The following MRGPRF variants were observed in gnomAD, a reference collection of about 807,000 sequenced individuals.
MRGPRF encodes mas-related G protein-coupled receptor member F.
A neutral mutation model predicts 3.3 loss-of-function variants in MRGPRF; 2 were observed. The ratio of observed to expected loss-of-function variants is 0.61; its 90% CI spans 0.25 to 1.92. MRGPRF has a LOEUF of 1.92. Among genes scored for constraint, MRGPRF ranks in the 40% most tolerant of loss-of-function variants. The probability of loss-of-function intolerance (pLI) is 0.16; values close to 1 mark genes in which losing one functional copy is unlikely to be tolerated. For missense variants in MRGPRF, 500 were observed against 476.0 expected, an observed-to-expected ratio of 1.05 and a Z score of -0.47; for synonymous variants, 242 against 222.7, an observed-to-expected ratio of 1.09 and a Z score of -0.77.
At chr11:69,010,908 GA>G in intron 1 of MRGPRF, among the ~76,000 whole-genome samples, 1 of 152,234 alleles carries the variant, frequency 6.6e-6, no homozygotes, top group East Asian at 1.9e-4. Context: ...TTCTCCCCGT[GA>G]AGCCCTGTGC....
intron 2 of MRGPRF, among the ~76,000 whole-genome samples, chr11:69,007,714 AAAC>A (rs1376157055): frequency 1.3e-5 from 2 of 152,206 alleles, no homozygotes; most frequent in Non-Finnish European, 2.9e-5. Context: ...ATTTAAAAAA[AAAC>A]AACGAGTGGA....
chr11:69,009,965 A>G lies in MRGPRF; in HGVS notation c.-56-8T>C. On this transcript the variant is annotated splice_polypyrimidine_tract_variant and splice_region_variant and intron_variant, in intron 1 of 2. Coordinates refer to ENST00000309099, the MANE Select transcript of MRGPRF (RefSeq NM_145015.5). ...ACCAGTCTGCACACCCACCTGGCAG[A>G]AGCCCAGAGAGAGGGTGGATGAGGA... The G allele has an allele frequency of 6.5e-7, 1 of 1,547,644 alleles. No individual in the cohort carries two copies. Among genetic ancestry groups the G allele is most frequent in the Non-Finnish European group, 8.7e-7 (1 of 1,147,988 alleles).
In MRGPRF at chr11:69,005,348, C is replaced by T. The variant is rs552291439; in HGVS notation, c.962G>A (p.Gly321Glu). The T allele has an allele frequency of 1.9e-6, 3 of 1,566,354 alleles. No homozygotes were observed. The highest frequency in any genetic ancestry group is 1.2e-5 in the South Asian group (1 of 85,336). Residue 321 changes from glycine to glutamate, a missense_variant, in exon 3 of 3, where the codon GGG becomes GAG. Gly to Glu is a moderately conservative substitution (Grantham distance 98). Coordinates refer to ENST00000309099, the MANE Select transcript of MRGPRF (RefSeq NM_145015.5). ...QRALRDGAEL[G>E]EAGGSTPNTV... ...GTTGGGCGTGCTGCCCCCGGCCTCC[C>T]CCAGCTCAGCGCCGTCCCGCAGGGC...
chr11:69,010,578 C>G (rs1367235590), intron 1 of MRGPRF, among the ~76,000 whole-genome samples: 2 of 152,214 alleles, frequency 1.3e-5, no homozygotes, highest in African/African-American at 4.8e-5. Context: ...CAGCTATGGG[C>G]CAGGTATCCT....
At chr11:69,007,150 C>T (rs918367294) in intron 2 of MRGPRF, among the ~76,000 whole-genome samples, 3 of 152,202 alleles carry the variant, frequency 2.0e-5, no homozygotes, top group Admixed American at 1.3e-4. Flanking sequence ...CGGGAACGTC[C>T]TTGTTCTTAG....
chr11:69,009,495 C>T (rs542811465), intron 2 of MRGPRF: 141 of 579,132 alleles, frequency 2.4e-4, no homozygotes, highest in African/African-American at 2.2e-3. Flanking sequence ...TTGGAGTCAG[C>T]GTCCCAGGGC....
chr11:69,005,467 G>A lies in MRGPRF; in HGVS notation c.843C>T (p.Cys281=), dbSNP rs755548309. 2.3e-5 allele frequency: 37 copies of A among 1,588,326 alleles called. No individual in the cohort carries two copies. In the East Asian group the frequency reaches 7.6e-4, roughly 33 times the overall value. The change falls in exon 3 of 3, where the codon TGC becomes TGT. Residue 281 remains cysteine, a synonymous_variant. Transcript: ENST00000309099. ...CGATGGGCTTGGCGCTGCTGTTGAT[G>A]CAGATGCACAGGTCAGTGACGTACT... ...FPEYVTDLCI[C]INSSAKPIVY...
In MRGPRF at chr11:69,006,195, CGATCTGCTCGATGGTCA is replaced by C; in HGVS notation, c.98_114del (p.Leu33ArgfsTer239). Reference sequence around the variant, plus strand: ...ATGACGGCCGGAGGCGGCAGCATCGCGATCTGCTCGATGGTCAGGAAGCCCCGGCTGTAGAGTTCCGG... The same window carrying C: ...ATGACGGCCGGAGGCGGCAGCATCGCGGAAGCCCCGGCTGTAGAGTTCCGG... On this transcript the variant is annotated frameshift_variant, in exon 3 of 3. Coordinates refer to ENST00000309099, the MANE Select transcript of MRGPRF (RefSeq NM_145015.5). LOFTEE classifies it low-confidence loss of function (END_TRUNC). 1.2e-6 allele frequency: 2 copies of C among 1,613,794 alleles called. No homozygotes were observed. Among genetic ancestry groups the C allele is most frequent in the Non-Finnish European group, 1.7e-6 (2 of 1,180,042 alleles).
rs1287825949 is a variant in MRGPRF at position 69,005,144 on chromosome 11, G to T, written c.*134C>A. ...CCACCCCTGGAGTCCCCAGCCCAGG[G>T]AGAAGGAGGCCCGAGGAGAGGAAAC... On this transcript the variant is annotated 3_prime_UTR_variant, in exon 3 of 3. Coordinates refer to ENST00000309099, the MANE Select transcript of MRGPRF (RefSeq NM_145015.5). 25 of 1,201,262 alleles carry T rather than the reference G, an allele frequency of 2.1e-5. No homozygotes were observed. Among genetic ancestry groups the T allele is most frequent in the Non-Finnish European group, 2.7e-5 (24 of 892,388 alleles). The allele number at this position is 1,201,262 out of a possible 1,614,324, so 74.4% of individuals were successfully genotyped here. A position where few individuals can be genotyped will look rare whatever the true frequency, so the allele number is the denominator to read the frequency against.
Position 69,005,886 on chromosome 11 carries a change from A to T in MRGPRF, c.424T>A (p.Cys142Ser), listed in dbSNP as rs1444186854. 3 of 1,567,046 alleles carry T rather than the reference A, an allele frequency of 1.9e-6. No individual in the cohort carries two copies. The Admixed American group carries it at 5.8e-5, about 30-fold the overall frequency. ...SLLPAVSAERCASVIFPAWYW... is the reference protein window; with the variant it reads ...SLLPAVSAERSASVIFPAWYW... Reference sequence around the variant, plus strand: ...CAGGCGGGGAAGATGACCGAGGCGCAGCGCTCGGCGCTGACGGCCGGCAGG... The same window carrying T: ...CAGGCGGGGAAGATGACCGAGGCGCTGCGCTCGGCGCTGACGGCCGGCAGG... Residue 142 changes from cysteine (C) to serine (S), a missense_variant, in exon 3 of 3, where the codon TGC (cysteine) becomes AGC (serine). Cys to Ser is a moderately radical substitution (Grantham distance 112). Transcript: ENST00000309099.
Position 69,005,677 on chromosome 11 carries a change from C to T in MRGPRF, c.633G>A (p.Pro211=). ...LGILLFLLCC[P]LMVLPCLALI... is the part of the protein sequence containing the mutation. ...GGGCCAGGCAGGGCAGCACCATGAG[C>T]GGGCAGCAGAGCAGGAACAGGAGGA... The change falls in exon 3 of 3, where the codon CCG becomes CCA. Residue 211 remains proline (P), a synonymous_variant. Coordinates refer to ENST00000309099, the MANE Select transcript of MRGPRF (RefSeq NM_145015.5). The T allele has an allele frequency of 3.9e-6, 6 of 1,551,484 alleles. No homozygotes were observed. The highest frequency in any genetic ancestry group is 1.2e-5 in the South Asian group (1 of 84,086).
chr11:69,005,959 G>A lies in MRGPRF; in HGVS notation c.351C>T (p.Ser117=), dbSNP rs1389250333. ...FLGTFADYIR[S]VCRVLGLCMF... Reference sequence around the variant, plus strand: ...TGCAGAGCCCCAGGACCCGGCACACGCTGCGGATGTAGTCGGCAAACGTGC... The same window carrying A: ...TGCAGAGCCCCAGGACCCGGCACACACTGCGGATGTAGTCGGCAAACGTGC... The change falls in exon 3 of 3, where the codon AGC becomes AGT. Residue 117 remains serine (S), a synonymous_variant. Coordinates refer to ENST00000309099, the MANE Select transcript of MRGPRF (RefSeq NM_145015.5). The A allele has an allele frequency of 3.8e-6, 6 of 1,568,430 alleles. No homozygotes were observed. The highest frequency in any genetic ancestry group is 1.2e-5 in the South Asian group (1 of 85,624).
At chr11:69,009,546 A>G (rs1009017716) in intron 2 of MRGPRF, 19 of 587,860 alleles carry the variant, frequency 3.2e-5, no homozygotes, top group Non-Finnish European at 5.5e-5. Context: ...TGACTGCCCC[A>G]CCTCTGCAGG....
chr11:69,006,089 T>C lies in MRGPRF; in HGVS notation c.221A>G (p.Lys74Arg), dbSNP rs1227128732. The C allele has an allele frequency of 2.5e-6, 4 of 1,611,464 alleles. No homozygotes were observed. In the South Asian group the frequency reaches 3.3e-5, roughly 13 times the overall value. ...GAAGTAGATGGAGAAGGGGTTCCTC[T>C]TGATGGAGAAGCCGAAAAACCAGAG... is the stretch of plus-strand genomic sequence containing the variant. ...LVLWFFGFSIKRNPFSIYFLH... is the reference protein window; with the variant it reads ...LVLWFFGFSIRRNPFSIYFLH... The change falls in exon 3 of 3, where the codon AAG becomes AGG. Residue 74 changes from lysine (K) to arginine (R), a missense_variant. By Grantham distance (26) the Lys-to-Arg change is conservative (BLOSUM62 2). Coordinates refer to ENST00000309099, the MANE Select transcript of MRGPRF (RefSeq NM_145015.5).
At chr11:69,011,289 C>T (rs1860592003) in intron 1 of MRGPRF, among the ~76,000 whole-genome samples, 1 of 152,170 alleles carries the variant, frequency 6.6e-6, no homozygotes, top group Non-Finnish European at 1.5e-5. Flanking sequence ...CAAGTGTGGC[C>T]CCAGGGGCCG....
At chr11:69,009,763 G>C (rs767723520) in intron 2 of MRGPRF, 91 bp downstream of exon 2, 35 of 1,453,400 alleles carry the variant, frequency 2.4e-5, no homozygotes, top group African/African-American at 4.2e-5. Flanking sequence ...GCCAGGAAGG[G>C]GGGGATGGGG....
intron 1 of MRGPRF, among the ~76,000 whole-genome samples, chr11:69,011,848 G>A (rs1340005841): frequency 6.6e-6 from 1 of 152,186 alleles, no homozygotes; most frequent in African/African-American, 2.4e-5. Flanking sequence ...ACCAACTAGT[G>A]CCCCAAAGGC....
At position 69,005,574 on chromosome 11, in the gene MRGPRF, A is replaced by C; in HGVS notation, c.736T>G (p.Ser246Ala). Reference protein sequence around the residue: ...KLNHVILAMVSVFLVSSIYLG... With the variant: ...KLNHVILAMVAVFLVSSIYLG... ...TAGATGGAGGACACCAGGAAGACGG[A>C]GACCATGGCCAGGATGACGTGGTTG... The change falls in exon 3 of 3, where the codon TCC becomes GCC. Residue 246 changes from serine to alanine, a missense_variant. Physicochemically the swap from Ser to Ala is moderately conservative, Grantham distance 99. Coordinates refer to ENST00000309099, the MANE Select transcript of MRGPRF (RefSeq NM_145015.5). 1 of 1,584,452 alleles carries C rather than the reference A, an allele frequency of 6.3e-7. No individual in the cohort carries two copies. The highest frequency in any genetic ancestry group is 8.6e-7 in the Non-Finnish European group (1 of 1,165,808).
At position 69,006,062 on chromosome 11, in the gene MRGPRF, A is replaced by G. The variant is rs762468125; in HGVS notation, c.248T>C (p.Leu83Pro). 1.9e-6 allele frequency: 3 copies of G among 1,599,404 alleles called. No individual in the cohort carries two copies. The highest frequency in any genetic ancestry group is 2.7e-5 in the African/African-American group (2 of 74,646). The change falls in exon 3 of 3, where the codon CTG becomes CCG. Residue 83 changes from leucine to proline, a missense_variant. Leu to Pro is a moderately conservative substitution (Grantham distance 98). Transcript: ENST00000309099. ...GCCCACATCGGCGCTGGCCAGGTGC[A>G]GGAAGTAGATGGAGAAGGGGTTCCT... ...IKRNPFSIYF[L>P]HLASADVGYL...
Sources: gnomAD v4.1 joint callset for allele counts (sites outside exome capture counted in the v4.1 genomes callset) on GRCh38, gnomAD v4.1.1 for gene constraint, MANE v1.5 for transcripts, NCBI Gene and HGNC (gene_info 2026-07-23, HGNC 2026-07-21) for gene names.